CBFA2T3: variants seen among roughly 807,000 people sequenced by gnomAD.
CBFA2T3 encodes the protein CBFA2/RUNX1 partner transcriptional co-repressor 3.
CBFA2T3 carries 31 observed loss-of-function variants against 58.6 expected under a neutral mutation model. The ratio of observed to expected loss-of-function variants is 0.53; its 90% CI spans 0.40 to 0.71. CBFA2T3 has a LOEUF of 0.71. Among genes scored for constraint, CBFA2T3 ranks in the 30% least tolerant of loss-of-function variants. CBFA2T3 has a pLI of 0.00. For synonymous variants in CBFA2T3, 531 were observed against 421.9 expected (o/e 1.26, Z -3.17); for missense variants, 1,076 against 963.1 (o/e 1.12, Z -1.55).
intron 1 of CBFA2T3, among the ~76,000 whole-genome samples, chr16:88,911,574 G>A (rs114675032): frequency 0.023 from 3,480 of 152,352 alleles, 86 homozygotes; most frequent in African/African-American, 0.056. Flanking sequence ...TGGCTTTTCC[G>A]TCTCCTAATC....
intron 11 of CBFA2T3, among the ~76,000 whole-genome samples, chr16:88,878,210 C>T (rs931712489): frequency 1.9e-4 from 29 of 152,386 alleles, no homozygotes; most frequent in East Asian, 7.7e-4. Context: ...CGAAACTGCA[C>T]GCCTCACTTC....
At position 88,899,353 on chromosome 16, in the gene CBFA2T3, C is replaced by T. The variant is rs1429983914; in HGVS notation, c.305-1201G>A. 2.0e-5 allele frequency among the ~76,000 whole-genome samples: 3 copies of T among 152,302 alleles called. No individual in the cohort carries two copies. In the East Asian group the frequency reaches 5.8e-4, roughly 29 times the overall value. ...GATTAGGGGATAAATCTGAGGCTAC[C>T]TCAGGGGTGGCCAGAGCCTCAGACT... On this transcript the variant is annotated intron_variant, in intron 2 of 11. Coordinates refer to ENST00000268679, the MANE Select transcript of CBFA2T3 (RefSeq NM_005187.6).
chr16:88,964,265 G>A (rs1293819865), intron 1 of CBFA2T3, among the ~76,000 whole-genome samples: 2 of 152,242 alleles, frequency 1.3e-5, no homozygotes, highest in Non-Finnish European at 2.9e-5. Flanking sequence ...ACCCACCAGT[G>A]AAAACCTGGG....
chr16:88,882,397 G>GTGTGTGGGTGTGGC, intron 8 of CBFA2T3, among the ~76,000 whole-genome samples: 1 of 151,630 alleles, frequency 6.6e-6, no homozygotes. Context: ...GTATGGCTGT[G>GTGTGTGGGTGTGGC]TGTGTGGGTG....
At chr16:88,914,735 G>A (rs1464440718) in intron 1 of CBFA2T3, among the ~76,000 whole-genome samples, 9 of 152,222 alleles carry the variant, frequency 5.9e-5, no homozygotes. Context: ...CACCCTGCCG[G>A]TTGAGCAAAG....
intron 1 of CBFA2T3, among the ~76,000 whole-genome samples, chr16:88,976,050 G>A (rs1040393346): frequency 1.3e-5 from 2 of 152,212 alleles, no homozygotes; most frequent in Non-Finnish European, 2.9e-5. Flanking sequence ...GCTCGGGTGG[G>A]GGGTATCAGC....
intron 1 of CBFA2T3, among the ~76,000 whole-genome samples, chr16:88,933,934 C>T (rs890580937): frequency 2.1e-5 from 3 of 142,976 alleles, no homozygotes; most frequent in African/African-American, 7.4e-5. Flanking sequence ...TGCACGCTGC[C>T]CCCGGGAGAG....
chr16:88,949,616 C>T (rs964045993), intron 1 of CBFA2T3, among the ~76,000 whole-genome samples: 13 of 151,076 alleles, frequency 8.6e-5, no homozygotes, highest in African/African-American at 1.9e-4. Context: ...TGGGGACAAA[C>T]GACAGTGGCC....
chr16:88,881,755 G>C (rs940248306), intron 8 of CBFA2T3: 1 of 435,216 alleles, frequency 2.3e-6, no homozygotes, highest in Non-Finnish European at 4.1e-6. Flanking sequence ...TTTTTAACCC[G>C]CTCAGCGGGG....
At position 88,896,401 on chromosome 16, in the gene CBFA2T3, G is replaced by A. The variant is rs531270721; in HGVS notation, c.379+1677C>T. 2.8e-4 allele frequency among the ~76,000 whole-genome samples: 43 copies of A among 152,278 alleles called. 1 individual carries two copies. Among genetic ancestry groups the A allele is most frequent in the African/African-American group, 9.1e-4 (38 of 41,552 alleles). On this transcript the variant is annotated intron_variant, in intron 3 of 11. Transcript: ENST00000268679. ...CTCAGGATGGACGCACCGGCCCTCTGGAGCGCGCGGCACCGATAACGGCGT... is the reference window on the plus strand; with the variant it reads ...CTCAGGATGGACGCACCGGCCCTCTAGAGCGCGCGGCACCGATAACGGCGT...
chr16:88,954,081 A>G (rs1567632595), intron 1 of CBFA2T3, among the ~76,000 whole-genome samples: 1 of 151,980 alleles, frequency 6.6e-6, no homozygotes, highest in African/African-American at 2.4e-5. Flanking sequence ...CCAGTCAGAG[A>G]ACTGCCCAGG....
intron 2 of CBFA2T3, among the ~76,000 whole-genome samples, chr16:88,898,925 G>A (rs573707006): frequency 4.6e-5 from 7 of 152,362 alleles, no homozygotes; most frequent in South Asian, 4.1e-4. Context: ...GCCACAGGAA[G>A]ACAGGCTCTA....
chr16:88,934,656 G>A (rs1971436982), intron 1 of CBFA2T3, among the ~76,000 whole-genome samples: 1 of 152,256 alleles, frequency 6.6e-6, no homozygotes, highest in Admixed American at 6.5e-5. Flanking sequence ...CTGTTGGCAG[G>A]GCCTGGTAAA....
rs992356997 is a variant in CBFA2T3 at position 88,931,706 on chromosome 16, C to T, written c.152-30050G>A. On this transcript the variant is annotated intron_variant, in intron 1 of 11. Transcript: ENST00000268679. Reference sequence around the variant, plus strand: ...GTGCTGGGGGCACTGGCCTGCAGCTCAGGCCTCTGCTTGTCCCTCTGGTCA... The same window carrying T: ...GTGCTGGGGGCACTGGCCTGCAGCTTAGGCCTCTGCTTGTCCCTCTGGTCA... Among the ~76,000 whole-genome samples the T allele has an allele frequency of 2.6e-5, 4 of 152,146 alleles. No individual in the cohort carries two copies. In the East Asian group the frequency reaches 7.7e-4, roughly 29 times the overall value.
intron 1 of CBFA2T3, among the ~76,000 whole-genome samples, chr16:88,922,109 G>A (rs1423387337): frequency 6.6e-6 from 1 of 152,242 alleles, no homozygotes; most frequent in Non-Finnish European, 1.5e-5. Context: ...CCGGGAGCTG[G>A]GTTCAATGGC....
intron 7 of CBFA2T3, among the ~76,000 whole-genome samples, 194 bp from the exon 8 acceptor site, chr16:88,882,955 G>A (rs1238154660): frequency 6.6e-5 from 10 of 152,238 alleles, no homozygotes. Flanking sequence ...CTGGGGCTCT[G>A]GGCCGACTGC....
At chr16:88,908,504 C>T (rs775553985) in intron 1 of CBFA2T3, among the ~76,000 whole-genome samples, 3 of 152,204 alleles carry the variant, frequency 2.0e-5, no homozygotes, top group Admixed American at 6.5e-5. Flanking sequence ...TTGGGCAGAG[C>T]CAGTGGGAAA....
intron 1 of CBFA2T3, among the ~76,000 whole-genome samples, chr16:88,962,642 C>T (rs760787695): frequency 1.1e-4 from 16 of 152,226 alleles, no homozygotes; most frequent in Non-Finnish European, 1.9e-4. Flanking sequence ...CCCTGGACCA[C>T]GTTTCGGGGG....
At chr16:88,940,609 G>C (rs572882632) in intron 1 of CBFA2T3, among the ~76,000 whole-genome samples, 57 of 152,318 alleles carry the variant, frequency 3.7e-4, no homozygotes, top group African/African-American at 1.4e-3. Flanking sequence ...GCAGGAGGGA[G>C]AGGAGCAGGA....
Sources: allele counts gnomAD v4.1 joint callset (sites outside exome capture counted in the v4.1 genomes callset), GRCh38; gene constraint gnomAD v4.1.1; transcripts MANE v1.5; gene names NCBI Gene and HGNC (gene_info 2026-07-23, HGNC 2026-07-21).